TM2D1: variants seen among roughly 807,000 people sequenced by gnomAD.
TM2D1 encodes the protein TM2 domain-containing protein 1.
TM2D1 carries 15 observed loss-of-function variants against 28.4 expected under a neutral mutation model. The observed-to-expected ratio is 0.53, with a 90% CI of 0.35 to 0.81. The LOEUF (loss-of-function observed/expected upper bound fraction) is 0.81, where lower values mean the gene tolerates loss of function less well. TM2D1 is among the 40% of genes least tolerant of loss of function. TM2D1 has a pLI of 0.01. For synonymous variants in TM2D1, 93 were observed against 96.2 expected (o/e 0.97, Z 0.20); for missense variants, 236 against 254.9 (o/e 0.93, Z 0.50).
At chr1:61,706,385 G>A (rs777823817) in intron 3 of TM2D1, among the ~76,000 whole-genome samples, 2 of 152,012 alleles carry the variant, frequency 1.3e-5, no homozygotes, top group African/African-American at 2.4e-5. Context: ...TTTTGGTAGA[G>A]ATGGGGTTTC....
chr1:61,712,247 A>C (rs1302481458), intron 2 of TM2D1, among the ~76,000 whole-genome samples: 1 of 152,302 alleles, frequency 6.6e-6, no homozygotes, highest in East Asian at 1.9e-4. Flanking sequence ...AATAGCACTG[A>C]GGTTGAGAAA....
chr1:61,695,304 CTGTT>C (rs1486973771), intron 4 of TM2D1, among the ~76,000 whole-genome samples: 6 of 152,074 alleles, frequency 3.9e-5, no homozygotes, highest in African/African-American at 7.2e-5. Flanking sequence ...TAAGGATCAC[CTGTT>C]TATTAGCTCT....
rs150366421 is a variant in TM2D1 at position 61,684,613 on chromosome 1, T to C, written c.514-1067A>G. Reference sequence around the variant, plus strand: ...CAAAGATGCATTTCCAATAACATTTTACATCTTTTTGTTTAAAAATAATTT... The same window carrying C: ...CAAAGATGCATTTCCAATAACATTTCACATCTTTTTGTTTAAAAATAATTT... On this transcript the variant is annotated intron_variant, in intron 5 of 6. Coordinates refer to ENST00000606498, the MANE Select transcript of TM2D1 (RefSeq NM_032027.3). 8.0e-3 allele frequency among the ~76,000 whole-genome samples: 1,218 copies of C among 152,364 alleles called. 4 individuals are homozygous for C. The highest frequency in any genetic ancestry group is 0.02 in the Admixed American group (305 of 15,304).
intron 5 of TM2D1, among the ~76,000 whole-genome samples, chr1:61,692,022 A>C (rs2148039115): frequency 6.9e-6 from 1 of 145,918 alleles, no homozygotes. Flanking sequence ...CTTATGAATA[A>C]CCATATATAT....
At chr1:61,701,713 T>G (rs1644403207) in intron 3 of TM2D1, among the ~76,000 whole-genome samples, 1 of 151,974 alleles carries the variant, frequency 6.6e-6, no homozygotes, top group South Asian at 2.1e-4. Flanking sequence ...CAGGAGCACC[T>G]CATCTACAAT....
Position 61,701,310 on chromosome 1 carries a change from CAAAAA to C in TM2D1, c.348-290_348-286del, listed in dbSNP as rs10587870. 8.1e-4 allele frequency among the ~76,000 whole-genome samples: 68 copies of C among 84,074 alleles called. No individual in the cohort carries two copies. The South Asian group carries it at 0.02, about 25-fold the overall frequency. The allele number at this position is 84,074 out of a possible 152,430, so 55.2% of individuals were successfully genotyped here. A position where few individuals can be genotyped will look rare whatever the true frequency, so the allele number is the denominator to read the frequency against. On this transcript the variant is annotated intron_variant, in intron 3 of 6. Transcript: ENST00000606498. ...TATGTTAGAAAGTCATAAATGTTAA[CAAAAA>C]AAAAAAAAAAAAAAAAAAAAGAAGT...
chr1:61,711,056 G>A (rs527605475), intron 2 of TM2D1, among the ~76,000 whole-genome samples: 3 of 152,252 alleles, frequency 2.0e-5, no homozygotes, highest in Non-Finnish European at 4.4e-5. Flanking sequence ...GCGGTCGGGC[G>A]CGGTGGCTCA....
intron 2 of TM2D1, among the ~76,000 whole-genome samples, chr1:61,719,789 T>C (rs1430467293): frequency 1.3e-5 from 2 of 152,134 alleles, no homozygotes; most frequent in Non-Finnish European, 2.9e-5. Flanking sequence ...GCCACCACGC[T>C]CAGCCTAGGG....
At chr1:61,691,932 A>AAAAAAATATATATAT in intron 5 of TM2D1, among the ~76,000 whole-genome samples, 1,157 of 75,890 alleles carry the variant, frequency 0.015, 18 homozygotes, top group Non-Finnish European at 0.022. Context: ...AAAAAAAAAA[A>AAAAAAATATATATAT]ATATATATAT....
intron 5 of TM2D1, among the ~76,000 whole-genome samples, chr1:61,684,881 G>A (rs769490421): frequency 8.5e-5 from 13 of 152,088 alleles, no homozygotes; most frequent in Non-Finnish European, 8.8e-5. Context: ...GGGCTCTAGC[G>A]ATCCTCCCAC....
chr1:61,713,183 A>G (rs915937721), intron 2 of TM2D1, among the ~76,000 whole-genome samples: 4 of 151,316 alleles, frequency 2.6e-5, no homozygotes, highest in South Asian at 4.2e-4. Context: ...AAAAAAAAAA[A>G]GCTGAGAATC....
At chr1:61,704,182 G>A (rs1236754027) in intron 3 of TM2D1, among the ~76,000 whole-genome samples, 2 of 152,018 alleles carry the variant, frequency 1.3e-5, no homozygotes, top group African/African-American at 4.8e-5. Context: ...AAGCCACTGC[G>A]CCTGGCTATT....
At chr1:61,687,053 C>A in intron 5 of TM2D1, 3 of 851,880 alleles carry the variant, frequency 3.5e-6, no homozygotes, top group Non-Finnish European at 4.2e-6. Flanking sequence ...TAAGAAATAT[C>A]CTGAAGCTGG....
chr1:61,713,287 G>A (rs1262332707), intron 2 of TM2D1, among the ~76,000 whole-genome samples: 2 of 151,890 alleles, frequency 1.3e-5, no homozygotes, highest in African/African-American at 4.8e-5. Context: ...AGACCAGTCT[G>A]GCCAACATGG....
chr1:61,682,704 G>T (rs941419364), intron 6 of TM2D1, among the ~76,000 whole-genome samples: 7 of 152,014 alleles, frequency 4.6e-5, no homozygotes, highest in African/African-American at 1.7e-4. Flanking sequence ...AGACTAGCCT[G>T]ACTAAAATGG....
At chr1:61,710,445 A>ATGT (rs1644469143) in intron 2 of TM2D1, among the ~76,000 whole-genome samples, 3 of 125,416 alleles carry the variant, frequency 2.4e-5, no homozygotes, top group African/African-American at 9.3e-5. Context: ...AAAAAAAAAA[A>ATGT]ATGTATATAT....
At position 61,688,012 on chromosome 1, in the gene TM2D1, T is replaced by A. The variant is rs554280854; in HGVS notation, c.514-4466A>T. Among the ~76,000 whole-genome samples the A allele has an allele frequency of 1.8e-4, 28 of 152,380 alleles. No individual in the cohort carries two copies. In the South Asian group the frequency reaches 5.8e-3, roughly 32 times the overall value. ...GATGCCATTAAAACCATCTGATTAG[T>A]CACATTTTAATTAAGCATCAAAATT... On this transcript the variant is annotated intron_variant, in intron 5 of 6. Coordinates refer to ENST00000606498, the MANE Select transcript of TM2D1 (RefSeq NM_032027.3).
intron 5 of TM2D1, chr1:61,683,776 C>A (rs1644264471): frequency 3.4e-6 from 1 of 294,404 alleles, no homozygotes; most frequent in Non-Finnish European, 6.2e-6. Context: ...GGACTGAATT[C>A]TGTGCTCCCT....
intron 5 of TM2D1, among the ~76,000 whole-genome samples, chr1:61,688,368 A>G (rs2148034592): frequency 6.6e-6 from 1 of 152,332 alleles, no homozygotes; most frequent in Admixed American, 6.5e-5. Flanking sequence ...TTATTTTCCC[A>G]ATATATCACA....
Sources: gnomAD v4.1 joint callset for allele counts (sites outside exome capture counted in the v4.1 genomes callset) on GRCh38, gnomAD v4.1.1 for gene constraint, MANE v1.5 for transcripts, NCBI Gene and HGNC (gene_info 2026-07-23, HGNC 2026-07-21) for gene names.